The following GPAT3 variants were observed in gnomAD, a reference collection of about 807,000 sequenced individuals.
The protein encoded by GPAT3 is glycerol-3-phosphate acyltransferase 3.
A neutral mutation model predicts 58.8 loss-of-function variants in GPAT3; 53 were observed. The observed-to-expected ratio is 0.90, with a 90% CI of 0.72 to 1.13. GPAT3 has a LOEUF of 1.13. GPAT3 is among the 50% of genes most tolerant of loss of function. The pLI, the probability that GPAT3 is intolerant of heterozygous loss-of-function variation, is 0.00. For missense variants in GPAT3, 511 were observed against 527.6 expected (o/e 0.97, Z 0.31); for synonymous variants, 197 against 187.4 (o/e 1.05, Z -0.42).
chr4:83,575,120 C>T (rs548693263), intron 2 of GPAT3, among the ~76,000 whole-genome samples: 1 of 152,124 alleles, frequency 6.6e-6, no homozygotes, highest in Admixed American at 6.5e-5. Context: ...TCGTGATCCG[C>T]CCGCCTCGGC....
rs773681503 is a variant in GPAT3 at position 83,590,185 on chromosome 4, G to A, written c.645-14G>A. 2 of 1,607,746 alleles carry A rather than the reference G, an allele frequency of 1.2e-6. No homozygotes were observed. Among genetic ancestry groups the A allele is most frequent in the African/African-American group, 2.7e-5 (2 of 74,742 alleles). ...TTTAGAAGACTTCGAATTTTCCATT[G>A]TTTGTAATTGCAGGCAGTACAGACC... is the stretch of plus-strand genomic sequence containing the variant. On this transcript the variant is annotated splice_polypyrimidine_tract_variant and intron_variant, in intron 5 of 11. Transcript: ENST00000264409.
chr4:83,536,520 C>A lies in GPAT3; in HGVS notation c.-103C>A. Reference sequence around the variant, plus strand: ...CCTTCGCAGAGGTGAGTGCCGGGCTCGGCGCTCTGCTCCTGGAGCTCCCGC... The same window carrying A: ...CCTTCGCAGAGGTGAGTGCCGGGCTAGGCGCTCTGCTCCTGGAGCTCCCGC... On this transcript the variant is annotated 5_prime_UTR_variant, in exon 1 of 12. Coordinates refer to ENST00000264409, the MANE Select transcript of GPAT3 (RefSeq NM_032717.5). 6.6e-7 allele frequency: 1 copy of A among 1,511,698 alleles called. No individual in the cohort carries two copies. Among genetic ancestry groups the A allele is most frequent in the Non-Finnish European group, 8.8e-7 (1 of 1,133,312 alleles). The allele number at this position is 1,511,698 out of a possible 1,614,324, so 93.6% of individuals were successfully genotyped here.
At chr4:83,556,796 A>G (rs1724958584) in intron 2 of GPAT3, among the ~76,000 whole-genome samples, 1 of 152,052 alleles carries the variant, frequency 6.6e-6, no homozygotes, top group Non-Finnish European at 1.5e-5. Context: ...AAAAAAAAAA[A>G]GTAAATCTAT....
chr4:83,544,542 A>T lies in GPAT3; in HGVS notation c.148A>T (p.Thr50Ser). 6.2e-7 allele frequency: 1 copy of T among 1,614,078 alleles called. No homozygotes were observed. The highest frequency in any genetic ancestry group is 8.5e-7 in the Non-Finnish European group (1 of 1,179,972). The change falls in exon 2 of 12, where the codon ACA becomes TCA. Residue 50 changes from threonine to serine, a missense_variant. Transcript: ENST00000264409. ...ATTTCTTGTTTTTGAACAGTGGGCC[A>T]CAATACGAATTGAAAAAGGAACCCC... ...KILVKTLEWA[T>S]IRIEKGTPKE...
At chr4:83,537,623 G>GTATA (rs371972226) in intron 1 of GPAT3, among the ~76,000 whole-genome samples, 44 of 144,476 alleles carry the variant, frequency 3.0e-4, no homozygotes, top group African/African-American at 6.8e-4. Context: ...GTGTGTGTGT[G>GTATA]TGTATATTTA....
At position 83,588,154 on chromosome 4, in the gene GPAT3, T is replaced by C. The variant is rs1041624844; in HGVS notation, c.555-56T>C. ...AAAAAGCACATTAAAACCTTTATTA[T>C]ATTGTTTCTTAAGAGTGCCCAGAAT... On this transcript the variant is annotated intron_variant, in intron 4 of 11. Transcript: ENST00000264409. 1.1e-5 allele frequency: 17 copies of C among 1,484,106 alleles called. No individual in the cohort carries two copies. In the African/African-American group the frequency reaches 2.4e-4, roughly 21 times the overall value. The allele number at this position is 1,484,106 out of a possible 1,614,324, so 91.9% of individuals were successfully genotyped here. A position where few individuals can be genotyped will look rare whatever the true frequency, so the allele number is the denominator to read the frequency against.
At chr4:83,604,532 C>G (rs1727184510) in intron 11 of GPAT3, 136 bp from the exon 12 acceptor site, 1 of 590,166 alleles carries the variant, frequency 1.7e-6, no homozygotes, top group Admixed American at 3.7e-5. Flanking sequence ...TTCCTGTTTC[C>G]AAATCCAGTG....
In GPAT3 at chr4:83,591,802, T is replaced by C. The variant is rs147185799; in HGVS notation, c.738+1510T>C. Among the ~76,000 whole-genome samples, 298 of 152,234 alleles carry C rather than the reference T, an allele frequency of 2.0e-3. 1 individual carries two copies. The highest frequency in any genetic ancestry group is 6.7e-3 in the African/African-American group (279 of 41,532). On this transcript the variant is annotated intron_variant, in intron 6 of 11. Coordinates refer to ENST00000264409, the MANE Select transcript of GPAT3 (RefSeq NM_032717.5). ...GGCTTAGGCAACCAATCTGCCTAAG[T>C]TGATTTTGTGCTGCTACAACAGAAT... is the stretch of plus-strand genomic sequence containing the variant.
intron 2 of GPAT3, among the ~76,000 whole-genome samples, chr4:83,573,356 T>A (rs866700803): frequency 3.9e-5 from 6 of 152,004 alleles, no homozygotes; most frequent in Middle Eastern, 3.2e-3. Context: ...CCAGGCTGGG[T>A]CCAAGTGCCT....
At chr4:83,551,063 C>T (rs1191801963) in intron 2 of GPAT3, among the ~76,000 whole-genome samples, 2 of 152,184 alleles carry the variant, frequency 1.3e-5, no homozygotes, top group African/African-American at 4.8e-5. Flanking sequence ...AATTACACGA[C>T]AACCCAACAA....
intron 2 of GPAT3, among the ~76,000 whole-genome samples, chr4:83,573,505 A>G (rs1466534257): frequency 1.3e-5 from 2 of 152,212 alleles, no homozygotes; most frequent in Non-Finnish European, 2.9e-5. Flanking sequence ...CTTCCTTGAC[A>G]TTGAATATTT....
intron 2 of GPAT3, among the ~76,000 whole-genome samples, chr4:83,559,427 G>A (rs1054688050): frequency 2.0e-5 from 3 of 152,044 alleles, no homozygotes; most frequent in African/African-American, 4.8e-5. Context: ...AGGTTCAAGC[G>A]ATTCTCCTGC....
intron 2 of GPAT3, among the ~76,000 whole-genome samples, chr4:83,551,813 A>AAATCTATCTATCTATCTATCT (rs768726930): frequency 2.2e-4 from 23 of 102,414 alleles, no homozygotes; most frequent in African/African-American, 7.9e-4. Flanking sequence ...AAAAAAAAAA[A>AAATCTATCTATCTATCTATCT]ATCTATCTAT....
At chr4:83,538,491 G>T (rs1404309705) in intron 1 of GPAT3, among the ~76,000 whole-genome samples, 2 of 152,102 alleles carry the variant, frequency 1.3e-5, no homozygotes, top group African/African-American at 4.8e-5. Context: ...CTCTTTCTCT[G>T]AACTCTGAAA....
At chr4:83,575,841 G>A (rs1392304180) in intron 2 of GPAT3, among the ~76,000 whole-genome samples, 3 of 152,160 alleles carry the variant, frequency 2.0e-5, no homozygotes, top group African/African-American at 7.2e-5. Context: ...GTTCCATGTA[G>A]CACTTTATTT....
intron 2 of GPAT3, among the ~76,000 whole-genome samples, chr4:83,578,616 C>T (rs1725904054): frequency 6.6e-6 from 1 of 152,182 alleles, no homozygotes; most frequent in Non-Finnish European, 1.5e-5. Flanking sequence ...AGAAGGTATT[C>T]TTCCCTCCTG....
intron 5 of GPAT3, among the ~76,000 whole-genome samples, chr4:83,589,243 G>T (rs1726498991): frequency 1.3e-5 from 2 of 152,170 alleles, no homozygotes; most frequent in Admixed American, 1.3e-4. Flanking sequence ...AAGAAAATAT[G>T]CTAAATAATT....
At chr4:83,587,110 A>G in intron 3 of GPAT3, 145 bp from the exon 4 acceptor site, 1 of 660,870 alleles carries the variant, frequency 1.5e-6, no homozygotes. Context: ...ATCTATATAG[A>G]TTTACCCAGT....
At chr4:83,561,161 A>C (rs1354283357) in intron 2 of GPAT3, among the ~76,000 whole-genome samples, 1 of 152,222 alleles carries the variant, frequency 6.6e-6, no homozygotes, top group African/African-American at 2.4e-5. Context: ...GATGATTTCT[A>C]ACATCCTTTT....
Sources: allele counts gnomAD v4.1 joint callset (sites outside exome capture counted in the v4.1 genomes callset), GRCh38; gene constraint gnomAD v4.1.1; transcripts MANE v1.5; gene names NCBI Gene and HGNC (gene_info 2026-07-23, HGNC 2026-07-21).